The following IL1RAPL2 variants were observed in gnomAD, a reference collection of about 807,000 sequenced individuals.
IL1RAPL2 encodes the protein interleukin 1 receptor accessory protein like 2.
A neutral mutation model predicts 44.1 loss-of-function variants in IL1RAPL2; 3 were observed. That is an observed-to-expected ratio of 0.07 (90% CI 0.03 to 0.18). The LOEUF is 0.18. Ranked by LOEUF, IL1RAPL2 falls within the 10% of genes least tolerant of loss-of-function variation. The probability of loss-of-function intolerance (pLI) is 1.00; values close to 1 mark genes in which losing one functional copy is unlikely to be tolerated. For missense variants in IL1RAPL2, 391 were observed against 496.4 expected (o/e 0.79, Z 2.02); for synonymous variants, 181 against 178.8 (o/e 1.01, Z -0.10).
At chrX:104,991,248 T>C (rs1426595007) in intron 2 of IL1RAPL2, among the ~76,000 whole-genome samples, 1 of 111,698 alleles carries the variant, frequency 9.0e-6, no homozygotes, top group Non-Finnish European at 1.9e-5. Context: ...ATTTAAGTTA[T>C]TAAGTAACCC....
intron 1 of IL1RAPL2, among the ~76,000 whole-genome samples, chrX:104,655,353 C>A (rs1003046201): frequency 1.4e-4 from 16 of 111,389 alleles, no homozygotes; most frequent in Non-Finnish European, 2.8e-4. Flanking sequence ...TCCATCAATA[C>A]CTAGTTTATT....
intron 2 of IL1RAPL2, among the ~76,000 whole-genome samples, chrX:105,070,046 T>A (rs2032186217): frequency 8.9e-6 from 1 of 112,051 alleles, no homozygotes; most frequent in Non-Finnish European, 1.9e-5. Flanking sequence ...GGTAATCTCT[T>A]GGTCTAGGCA....
intron 1 of IL1RAPL2, among the ~76,000 whole-genome samples, chrX:104,591,888 C>T (rs1330448824): frequency 9.1e-6 from 1 of 109,936 alleles, no homozygotes; most frequent in Non-Finnish European, 1.9e-5. Flanking sequence ...AATCTGGGAG[C>T]GTATCTCATT....
intron 1 of IL1RAPL2, among the ~76,000 whole-genome samples, chrX:104,628,005 A>G (rs1157537435): frequency 1.8e-5 from 2 of 112,106 alleles, no homozygotes. Context: ...AAATTTACAT[A>G]TACTTCAATG....
chrX:105,064,634 C>T (rs966894725), intron 2 of IL1RAPL2, among the ~76,000 whole-genome samples: 1 of 112,277 alleles, frequency 8.9e-6, no homozygotes, highest in East Asian at 2.8e-4. Context: ...ATGTGTGTTA[C>T]ATTCTGTCTT....
In IL1RAPL2 at chrX:105,619,288, T is replaced by C. The variant is rs1328130510; in HGVS notation, c.773-98079T>C. ...AAAGCACTGTTAAATAAAGGTAAGA[T>C]TGATTATGCGGATTTGAGTCCATGC... On this transcript the variant is annotated intron_variant, in intron 6 of 10. Coordinates refer to ENST00000372582, the MANE Select transcript of IL1RAPL2 (RefSeq NM_017416.2). 2.7e-5 allele frequency among the ~76,000 whole-genome samples: 3 copies of C among 109,399 alleles called. No individual in the cohort carries two copies. The East Asian group carries it at 8.6e-4, about 31-fold the overall frequency. The allele number at this position is 109,399 out of a possible 115,157, so 95.0% of individuals were successfully genotyped here.
chrX:105,192,439 TC>T (rs1245989232), intron 2 of IL1RAPL2, among the ~76,000 whole-genome samples: 1 of 111,616 alleles, frequency 9.0e-6, no homozygotes, highest in African/African-American at 3.3e-5. Context: ...CTTAGTTGCT[TC>T]CCTAGTCCCA....
At chrX:105,082,527 G>A (rs1569377948) in intron 2 of IL1RAPL2, among the ~76,000 whole-genome samples, 1 of 111,085 alleles carries the variant, frequency 9.0e-6, no homozygotes, top group Non-Finnish European at 1.9e-5. Flanking sequence ...AGTAGGAGCC[G>A]ACAGACACCT....
chrX:104,820,612 C>T (rs1323497693), intron 2 of IL1RAPL2, among the ~76,000 whole-genome samples: 1 of 111,724 alleles, frequency 9.0e-6, no homozygotes, highest in Non-Finnish European at 1.9e-5. Context: ...CTCAGTACAA[C>T]ATTTCTGATT....
chrX:105,280,317 A>G (rs1483447817), intron 5 of IL1RAPL2, among the ~76,000 whole-genome samples: 5 of 112,178 alleles, frequency 4.5e-5, no homozygotes, highest in Non-Finnish European at 9.4e-5. Flanking sequence ...ACCTAGGACC[A>G]TAAAAGTCCT....
rs1381848961 is a variant in IL1RAPL2, at chrX:104,788,760, A to T, written c.82+129765A>T. On this transcript the variant is annotated intron_variant, in intron 2 of 10. Transcript: ENST00000372582. Reference sequence around the variant, plus strand: ...GGCTTACTTAAATGATGCAAAAGGCATGCACATGAACCAGTAATTTTTATT... The same window carrying T: ...GGCTTACTTAAATGATGCAAAAGGCTTGCACATGAACCAGTAATTTTTATT... Among the ~76,000 whole-genome samples, 4 of 111,875 alleles carry T rather than the reference A, an allele frequency of 3.6e-5. No homozygotes were observed. In the Admixed American group the frequency reaches 3.8e-4, roughly 11 times the overall value.
rs73523348 is a variant in IL1RAPL2, at chrX:104,703,563, G to A, written c.82+44568G>A. 2.8e-3 allele frequency among the ~76,000 whole-genome samples: 318 copies of A among 112,147 alleles called. 2 individuals are homozygous for A. Among genetic ancestry groups the A allele is most frequent in the African/African-American group, 9.8e-3 (301 of 30,854 alleles). ...ATCACCAGCACCTAGTAAAAAGCCTGTTCATAAATGTTCTATAAATGGATG... is the reference window on the plus strand; with the variant it reads ...ATCACCAGCACCTAGTAAAAAGCCTATTCATAAATGTTCTATAAATGGATG... On this transcript the variant is annotated intron_variant, in intron 2 of 10. Transcript: ENST00000372582.
At chrX:104,822,124 G>C (rs922534886) in intron 2 of IL1RAPL2, among the ~76,000 whole-genome samples, 2 of 111,412 alleles carry the variant, frequency 1.8e-5, no homozygotes, top group African/African-American at 6.5e-5. Context: ...GTAAATTTAA[G>C]TTCCTTGTAG....
intron 6 of IL1RAPL2, among the ~76,000 whole-genome samples, chrX:105,577,049 C>G (rs372716399): frequency 2.7e-5 from 3 of 111,250 alleles, no homozygotes; most frequent in East Asian, 5.7e-4. Flanking sequence ...AGGACTTTTT[C>G]CCACAATTAA....
chrX:104,992,193 A>T (rs1041875463), intron 2 of IL1RAPL2, among the ~76,000 whole-genome samples: 3 of 111,205 alleles, frequency 2.7e-5, no homozygotes, highest in African/African-American at 9.8e-5. Context: ...ACTGGATGTT[A>T]CCTTGGAAAC....
At chrX:104,951,242 TTA>T (rs1925576123) in intron 2 of IL1RAPL2, among the ~76,000 whole-genome samples, 3 of 112,363 alleles carry the variant, frequency 2.7e-5, no homozygotes, top group Non-Finnish European at 3.8e-5. Context: ...CAATAAACAG[TTA>T]TATAACATTT....
chrX:105,043,775 T>G (rs776843374), intron 2 of IL1RAPL2, among the ~76,000 whole-genome samples: 1 of 110,960 alleles, frequency 9.0e-6, no homozygotes, highest in Non-Finnish European at 1.9e-5. Flanking sequence ...ACAAACTTCA[T>G]AAACTGACCA....
chrX:105,382,529 A>C (rs1480734392), intron 5 of IL1RAPL2, among the ~76,000 whole-genome samples: 12 of 104,526 alleles, frequency 1.1e-4, no homozygotes, highest in African/African-American at 2.3e-4. Flanking sequence ...GTGGGACTGT[A>C]AACTAGTTCA....
chrX:104,883,522 C>T (rs1923134490), intron 2 of IL1RAPL2, among the ~76,000 whole-genome samples: 2 of 111,335 alleles, frequency 1.8e-5, no homozygotes, highest in East Asian at 2.8e-4. Context: ...GTTGCCCAAG[C>T]GAGACTCGCC....
Sources: gnomAD v4.1 joint callset for allele counts (sites outside exome capture counted in the v4.1 genomes callset) on GRCh38, gnomAD v4.1.1 for gene constraint, MANE v1.5 for transcripts, NCBI Gene and HGNC (gene_info 2026-07-23, HGNC 2026-07-21) for gene names.